STXBP5L: variants seen among roughly 807,000 people sequenced by gnomAD.
STXBP5L encodes syntaxin binding protein 5L.
A neutral mutation model predicts 144.5 loss-of-function variants in STXBP5L; 65 were observed. The ratio of observed to expected loss-of-function variants is 0.45; its 90% confidence interval spans 0.37 to 0.55. STXBP5L has a LOEUF of 0.55. Among genes scored for constraint, STXBP5L ranks in the 20% least tolerant of loss-of-function variants. STXBP5L has a pLI of 0.00. For synonymous variants in STXBP5L, 505 were observed against 469.6 expected (o/e 1.08, Z -0.97); for missense variants, 1,298 against 1,405.5 (o/e 0.92, Z 1.22).
chr3:121,100,310 G>T (rs1380563277), intron 5 of STXBP5L, among the ~76,000 whole-genome samples: 1 of 152,070 alleles, frequency 6.6e-6, no homozygotes, highest in Non-Finnish European at 1.5e-5. Flanking sequence ...CTTGTCTTCT[G>T]CACACAGAAC....
At chr3:121,217,770 A>G (rs1342836295) in intron 10 of STXBP5L, among the ~76,000 whole-genome samples, 4 of 151,984 alleles carry the variant, frequency 2.6e-5, no homozygotes, top group African/African-American at 7.2e-5. Flanking sequence ...TCTGTAGACT[A>G]AGAAACTTGA....
intron 2 of STXBP5L, 77 bp from the exon 3 acceptor site, chr3:120,954,863 G>T (rs1001993286): frequency 1.8e-6 from 2 of 1,117,242 alleles, no homozygotes; most frequent in Non-Finnish European, 1.3e-6. Context: ...AGACATTCTG[G>T]TGGCTATATA....
At chr3:121,395,668 T>C (rs1347040610) in intron 22 of STXBP5L, among the ~76,000 whole-genome samples, 1 of 152,206 alleles carries the variant, frequency 6.6e-6, no homozygotes, top group Admixed American at 6.5e-5. Context: ...ATATGCCCAA[T>C]AAGTATAATT....
chr3:120,976,540 C>T (rs61797917), intron 3 of STXBP5L, among the ~76,000 whole-genome samples: 50,431 of 151,764 alleles, frequency 0.33, 8,812 homozygotes, highest in Non-Finnish European at 0.4. Context: ...ATGTCTCTAT[C>T]TCCTTCAGTT....
chr3:121,221,257 G>A (rs2048965333), intron 10 of STXBP5L, among the ~76,000 whole-genome samples: 1 of 151,894 alleles, frequency 6.6e-6, no homozygotes, highest in Non-Finnish European at 1.5e-5. Context: ...AGAGTATTCT[G>A]ATGCAGAGTC....
At chr3:121,347,616 T>A (rs1367752251) in intron 20 of STXBP5L, among the ~76,000 whole-genome samples, 2 of 152,192 alleles carry the variant, frequency 1.3e-5, no homozygotes, top group Non-Finnish European at 2.9e-5. Flanking sequence ...CATTTCTTTG[T>A]ATCCTCTTTT....
At chr3:120,941,294 A>G (rs1424937117) in intron 2 of STXBP5L, among the ~76,000 whole-genome samples, 1 of 151,778 alleles carries the variant, frequency 6.6e-6, no homozygotes, top group Admixed American at 6.6e-5. Context: ...ATCTACTTTT[A>G]ATCTGTAATA....
rs138489692 is a variant in STXBP5L at position 121,007,409 on chromosome 3, T to G, written c.288-34291T>G. On this transcript the variant is annotated intron_variant, in intron 3 of 26. Transcript: ENST00000471454. ...TTCTGGCCTCAAATTTAATTGAGAATTATTTGCATCTATTCTATATTTGGG... is the reference window on the plus strand; with the variant it reads ...TTCTGGCCTCAAATTTAATTGAGAAGTATTTGCATCTATTCTATATTTGGG... Among the ~76,000 whole-genome samples the G allele has an allele frequency of 4.5e-3, 691 of 152,152 alleles. 3 individuals carry two copies. Among genetic ancestry groups the G allele is most frequent in the South Asian group, 0.012 (59 of 4,828 alleles).
chr3:121,003,793 C>A (rs907575662), intron 3 of STXBP5L, among the ~76,000 whole-genome samples: 1 of 152,144 alleles, frequency 6.6e-6, no homozygotes, highest in East Asian at 1.9e-4. Flanking sequence ...TTCCCAGCAC[C>A]ATTTATTAAA....
At chr3:120,984,397 T>C (rs1404493754) in intron 3 of STXBP5L, among the ~76,000 whole-genome samples, 1 of 152,182 alleles carries the variant, frequency 6.6e-6, no homozygotes, top group Non-Finnish European at 1.5e-5. Context: ...AATTTTTGTG[T>C]TGGGAAGTGA....
chr3:121,238,857 A>G, intron 12 of STXBP5L, 114 bp from the exon 13 acceptor site: 1 of 1,111,802 alleles, frequency 9.0e-7, no homozygotes, highest in Non-Finnish European at 1.2e-6. Flanking sequence ...GGTACTTAAA[A>G]AACAAGCAAA....
intron 3 of STXBP5L, among the ~76,000 whole-genome samples, chr3:120,980,239 G>A (rs759570110): frequency 1.3e-5 from 2 of 152,114 alleles, no homozygotes; most frequent in Non-Finnish European, 2.9e-5. Flanking sequence ...GTTCTATTTA[G>A]TCTAGAGACC....
chr3:121,279,906 T>C lies in STXBP5L; in HGVS notation c.2060T>C (p.Leu687Ser). The change falls in exon 19 of 27, where the codon TTA becomes TCA. Residue 687 changes from leucine (L) to serine (S), a missense_variant. By Grantham distance (145) the Leu-to-Ser change is moderately radical. Coordinates refer to ENST00000471454, the MANE Select transcript of STXBP5L (RefSeq NM_001308330.2). ...GTIDLYRSSD[L>S]YQRQPRSPRK... ...ATTGACCTATATAGATCAAGTGACT[T>C]ATACCAGCGACAACCACGGTCTCCT... The C allele has an allele frequency of 6.2e-7, 1 of 1,612,574 alleles. No homozygotes were observed. Among genetic ancestry groups the C allele is most frequent in the South Asian group, 1.1e-5 (1 of 91,048 alleles).
At chr3:121,098,823 G>A (rs933858969) in intron 5 of STXBP5L, among the ~76,000 whole-genome samples, 1 of 152,108 alleles carries the variant, frequency 6.6e-6, no homozygotes. Flanking sequence ...TGTCTGTAGG[G>A]AGCATCCACT....
chr3:120,908,956 A>G (rs1708682498), intron 1 of STXBP5L: 1 of 152,060 alleles, frequency 6.6e-6, no homozygotes, highest in Admixed American at 6.6e-5. Flanking sequence ...GCTGTGGGTC[A>G]CTCGCAGATG....
intron 7 of STXBP5L, among the ~76,000 whole-genome samples, chr3:121,143,779 T>C (rs2045605105): frequency 6.6e-6 from 1 of 151,888 alleles, no homozygotes; most frequent in Non-Finnish European, 1.5e-5. Flanking sequence ...TAGACCTTTT[T>C]CATACATCTT....
intron 12 of STXBP5L, among the ~76,000 whole-genome samples, chr3:121,235,846 C>CATAG (rs1417647271): frequency 7.5e-6 from 1 of 134,124 alleles, no homozygotes; most frequent in Admixed American, 8.1e-5. Flanking sequence ...CACACATACA[C>CATAG]ACACACACAC....
chr3:121,358,919 A>G (rs1209506686), intron 20 of STXBP5L, among the ~76,000 whole-genome samples: 3 of 152,112 alleles, frequency 2.0e-5, no homozygotes, highest in South Asian at 4.1e-4. Context: ...TTTTCCAAAT[A>G]TAGGATAGTA....
intron 9 of STXBP5L, among the ~76,000 whole-genome samples, chr3:121,173,351 A>ATAATAATAATAG (rs2046806145): frequency 6.8e-6 from 1 of 147,924 alleles, no homozygotes; most frequent in Non-Finnish European, 1.5e-5. Flanking sequence ...AATAATAATA[A>ATAATAATAATAG]TGATAATAGA....
Sources: gnomAD v4.1 joint callset for allele counts (sites outside exome capture counted in the v4.1 genomes callset) on GRCh38, gnomAD v4.1.1 for gene constraint, MANE v1.5 for transcripts, NCBI Gene and HGNC (gene_info 2026-07-23, HGNC 2026-07-21) for gene names.